FGF14: variants seen among roughly 807,000 people sequenced by gnomAD.
FGF14 encodes fibroblast growth factor 14.
FGF14 carries 5 observed loss-of-function variants against 25.5 expected under a neutral mutation model. The ratio of observed to expected loss-of-function variants is 0.20; its 90% CI spans 0.10 to 0.41. FGF14 has a LOEUF of 0.41. FGF14 is among the 10% of genes least tolerant of loss of function. The pLI is 1.00. For synonymous variants in FGF14, 138 were observed against 118.3 expected, an observed-to-expected ratio of 1.17 and a Z score of -1.08; for missense variants, 222 against 320.1, an observed-to-expected ratio of 0.69 and a Z score of 2.34.
intron 1 of FGF14, among the ~76,000 whole-genome samples, chr13:102,000,156 A>C (rs2039407220): frequency 1.3e-5 from 2 of 152,102 alleles, no homozygotes; most frequent in African/African-American, 2.4e-5. Context: ...TCTACTAAAA[A>C]ATACAAAAAA....
chr13:101,834,567 T>A (rs1207384054), intron 3 of FGF14, among the ~76,000 whole-genome samples: 1 of 152,078 alleles, frequency 6.6e-6, no homozygotes, highest in African/African-American at 2.4e-5. Flanking sequence ...GAAGGCTGAG[T>A]ATCATTCTAA....
At chr13:102,045,820 T>C (rs2041957043) in intron 1 of FGF14, 1 of 152,370 alleles carries the variant, frequency 6.6e-6, no homozygotes, top group Middle Eastern at 2.7e-3. Flanking sequence ...ATCTATAGGA[T>C]AGTCTGTCTG....
At chr13:102,132,176 A>C (rs1337092198) in intron 1 of FGF14, among the ~76,000 whole-genome samples, 1 of 152,204 alleles carries the variant, frequency 6.6e-6, no homozygotes, top group Admixed American at 6.5e-5. Flanking sequence ...CCCAGGGTCC[A>C]TCAGGGGAGA....
At chr13:101,821,472 G>A (rs1389176264) in intron 3 of FGF14, among the ~76,000 whole-genome samples, 1 of 151,984 alleles carries the variant, frequency 6.6e-6, no homozygotes, top group Non-Finnish European at 1.5e-5. Flanking sequence ...TTCCGGTTTG[G>A]GGGCCATTAT....
chr13:102,132,505 T>C (rs1248670781), intron 1 of FGF14, among the ~76,000 whole-genome samples: 1 of 109,800 alleles, frequency 9.1e-6, no homozygotes, highest in African/African-American at 3.3e-5. Flanking sequence ...ATACTTTTCT[T>C]TCTTTCTTTC....
chr13:102,011,976 T>C (rs2040104060), intron 1 of FGF14, among the ~76,000 whole-genome samples: 1 of 152,188 alleles, frequency 6.6e-6, no homozygotes, highest in Non-Finnish European at 1.5e-5. Flanking sequence ...ATAAATTCGT[T>C]CTTTTATTTT....
intron 1 of FGF14, among the ~76,000 whole-genome samples, chr13:102,325,576 G>A (rs1481598118): frequency 2.0e-5 from 3 of 152,036 alleles, no homozygotes; most frequent in Non-Finnish European, 2.9e-5. Flanking sequence ...AGTGTATCAT[G>A]GGTAAGGCCC....
In FGF14 at chr13:102,264,011, CT is replaced by C. The variant is rs5806287; in HGVS notation, c.208+137459del. Among the ~76,000 whole-genome samples the C allele has an allele frequency of 4.5e-3, 646 of 144,176 alleles. 5 individuals are homozygous for C. Among genetic ancestry groups the C allele is most frequent in the African/African-American group, 8.6e-3 (338 of 39,208 alleles). The allele number at this position is 144,176 out of a possible 152,430, so 94.6% of individuals were successfully genotyped here. A position where few individuals can be genotyped will look rare whatever the true frequency, so the allele number is the denominator to read the frequency against. On this transcript the variant is annotated intron_variant, in intron 1 of 4. Transcript: ENST00000376131. ...AGAACCCCTAGAGGTTTTCTCTTTC[CT>C]TTTTTTTTTTTTAGCATATCTGAGA...
intron 1 of FGF14, among the ~76,000 whole-genome samples, chr13:101,882,427 G>A (rs1449789267): frequency 6.6e-6 from 1 of 152,006 alleles, no homozygotes. Flanking sequence ...AAGTTATATT[G>A]CATCAGGATA....
chr13:101,984,872 T>C (rs1021979371), intron 1 of FGF14, among the ~76,000 whole-genome samples: 1 of 152,142 alleles, frequency 6.6e-6, no homozygotes, highest in African/African-American at 2.4e-5. Context: ...TTATAGAATC[T>C]GGATAATCAA....
intron 3 of FGF14, among the ~76,000 whole-genome samples, chr13:101,775,073 T>C (rs963803210): frequency 6.6e-6 from 1 of 152,070 alleles, no homozygotes; most frequent in Non-Finnish European, 1.5e-5. Context: ...ATATGGACTA[T>C]GTGTTCCAAC....
intron 1 of FGF14, among the ~76,000 whole-genome samples, chr13:101,997,620 T>C (rs1190314806): frequency 6.6e-6 from 1 of 152,196 alleles, no homozygotes; most frequent in African/African-American, 2.4e-5. Flanking sequence ...AATTTACTTC[T>C]AACAAGCTTC....
At position 101,916,721 on chromosome 13, in the gene FGF14, C is replaced by T. The variant is rs2064935322; in HGVS notation, c.-76G>A. 7.7e-7 allele frequency: 1 copy of T among 1,305,530 alleles called. No homozygotes were observed. The highest frequency in any genetic ancestry group is 2.6e-5 in the East Asian group (1 of 38,672). 80.9% of individuals were successfully genotyped at this position (1,305,530 alleles called of 1,614,324 possible). The stretch of plus-strand genomic sequence containing the variant: ...CCGGGGGCACCGGAGGGGAAGGCGG[C>T]GGCGCAGACCGTGGCTCGCCCTCGG... On this transcript the variant is annotated 5_prime_UTR_variant, in exon 1 of 5. Coordinates refer to ENST00000376143, the MANE Select transcript of FGF14 (RefSeq NM_004115.4).
chr13:101,880,644 TGAG>T (rs1405078447), intron 1 of FGF14, among the ~76,000 whole-genome samples: 2 of 152,156 alleles, frequency 1.3e-5, no homozygotes, highest in African/African-American at 4.8e-5. Context: ...TGCTGTTTAT[TGAG>T]GAGAGGAAAG....
intron 3 of FGF14, among the ~76,000 whole-genome samples, chr13:101,750,702 C>G (rs983683342): frequency 6.6e-6 from 1 of 152,068 alleles, no homozygotes; most frequent in Non-Finnish European, 1.5e-5. Flanking sequence ...GGTGTTTACT[C>G]AAATGAGTTG....
At chr13:102,327,753 C>T (rs771920268) in intron 1 of FGF14, among the ~76,000 whole-genome samples, 34 of 151,872 alleles carry the variant, frequency 2.2e-4, no homozygotes, top group African/African-American at 4.4e-4. Context: ...GCAAGAGGAT[C>T]ACTTGAGCCT....
chr13:101,732,878 T>A (rs2035903003), intron 3 of FGF14, among the ~76,000 whole-genome samples: 1 of 152,170 alleles, frequency 6.6e-6, no homozygotes, highest in African/African-American at 2.4e-5. Context: ...AATTCTCAAT[T>A]TTTTTTCTTC....
chr13:101,735,352 T>C (rs927280368), intron 3 of FGF14, among the ~76,000 whole-genome samples: 2 of 152,176 alleles, frequency 1.3e-5, no homozygotes, highest in Non-Finnish European at 2.9e-5. Flanking sequence ...ATGCTGCTGA[T>C]TTTTATCTAC....
At chr13:102,296,977 C>G (rs1343194868) in intron 1 of FGF14, among the ~76,000 whole-genome samples, 3 of 152,026 alleles carry the variant, frequency 2.0e-5, no homozygotes, top group African/African-American at 7.2e-5. Flanking sequence ...CATGATCTAC[C>G]TACTAGAATC....
Sources: gnomAD v4.1 joint callset for allele counts (sites outside exome capture counted in the v4.1 genomes callset) on GRCh38, gnomAD v4.1.1 for gene constraint, MANE v1.5 for transcripts, NCBI Gene and HGNC (gene_info 2026-07-23, HGNC 2026-07-21) for gene names.